The following RBM19 variants were observed in gnomAD, a reference collection of about 807,000 sequenced individuals.
RBM19 encodes the protein RNA binding motif protein 19.
Under a neutral mutation model 116.8 loss-of-function variants are expected in RBM19, and 94 were observed. That is an observed-to-expected ratio of 0.80 (90% CI 0.68 to 0.95). The LOEUF is 0.95. Among genes scored for constraint, RBM19 ranks in the 40% least tolerant of loss-of-function variants. The pLI is 0.00. For missense variants in RBM19, 1,161 were observed against 1,220.7 expected, an observed-to-expected ratio of 0.95 and a Z score of 0.73; for synonymous variants, 475 against 494.1, an observed-to-expected ratio of 0.96 and a Z score of 0.51.
At chr12:113,821,053 A>G (rs1228574676), downstream of RBM19, among the ~76,000 whole-genome samples, 1 of 152,194 alleles carries the variant, frequency 6.6e-6, no homozygotes, top group Admixed American at 6.5e-5. Flanking sequence ...TGCTACTTGC[A>G]TCACTCCATT....
chr12:113,912,795 G>T (rs916792706), intron 21 of RBM19, among the ~76,000 whole-genome samples: 1 of 152,058 alleles, frequency 6.6e-6, no homozygotes, highest in Non-Finnish European at 1.5e-5. Flanking sequence ...ACCTCCCCCT[G>T]GCTAATGACC....
At chr12:113,869,616 T>C (rs1017398059) in intron 21 of RBM19, among the ~76,000 whole-genome samples, 6 of 152,146 alleles carry the variant, frequency 3.9e-5, no homozygotes, top group Admixed American at 1.3e-4. Context: ...GTTACTAAAA[T>C]GTGGCCAGCC....
intron 21 of RBM19, among the ~76,000 whole-genome samples, chr12:113,884,096 G>T (rs1880344873): frequency 7.2e-6 from 1 of 139,086 alleles, no homozygotes; most frequent in African/African-American, 2.6e-5. Flanking sequence ...GCAACATAGG[G>T]ATACTCCATC....
rs1274534441 is a variant in RBM19, at chr12:113,914,994, T to G, written c.2533A>C (p.Ser845Arg). The change falls in exon 21 of 24, where the codon AGC becomes CGC. Residue 845 changes from serine (S) to arginine (R), a missense_variant. Transcript: ENST00000261741. ...CTGAAGAGCTCTCGGATCTCCCGGC[T>G]GTGGGCCTGGAAGGGGATGTTCCGC... ...LVRNIPFQAHSREIRELFSTF... is the reference protein window; with the variant it reads ...LVRNIPFQAHRREIRELFSTF... 7 of 1,614,156 alleles carry G rather than the reference T, an allele frequency of 4.3e-6. No individual in the cohort carries two copies. The highest frequency in any genetic ancestry group is 3.3e-5 in the South Asian group (3 of 91,076).
chr12:113,844,709 G>T lies in RBM19; in HGVS notation c.2744C>A (p.Thr915Asn), dbSNP rs752640899. Reference protein sequence around the residue: ...LVLEWADSEVTLQALRRKTAA... With the variant: ...LVLEWADSEVNLQALRRKTAA... The stretch of plus-strand genomic sequence containing the variant: ...CGTCTTCCGCCGCAGGGCCTGCAGG[G>T]TCACCTCGGAGTCGGCCCACTCCAG... The change falls in exon 23 of 24, where the codon ACC (threonine) becomes AAC (asparagine). Residue 915 changes from threonine to asparagine, a missense_variant. Physicochemically the swap from Thr to Asn is moderately conservative, Grantham distance 65. Transcript: ENST00000261741. The T allele has an allele frequency of 1.2e-6, 2 of 1,612,964 alleles. No homozygotes were observed. Among genetic ancestry groups the T allele is most frequent in the South Asian group, 1.1e-5 (1 of 90,936 alleles).
chr12:113,962,090 T>C lies in RBM19; in HGVS notation c.219+142A>G, dbSNP rs909293880. ...AGCTCTCAGGTGATTTGTATGCACATGAAAGTGTGTGAATCGGTGAGGAAG... is the reference window on the plus strand; with the variant it reads ...AGCTCTCAGGTGATTTGTATGCACACGAAAGTGTGTGAATCGGTGAGGAAG... On this transcript the variant is annotated intron_variant, in intron 2 of 23. Transcript: ENST00000261741. 1.5e-5 allele frequency: 15 copies of C among 1,016,304 alleles called. No homozygotes were observed. The East Asian group carries it at 1.5e-4, about 10-fold the overall frequency. 63.0% of individuals were successfully genotyped at this position (1,016,304 alleles called of 1,614,324 possible). A position where few individuals can be genotyped will look rare whatever the true frequency, so the allele number is the denominator to read the frequency against.
intron 21 of RBM19, 47 bp from the exon 22 acceptor site, chr12:113,858,943 A>G: frequency 6.4e-7 from 1 of 1,558,958 alleles, no homozygotes; most frequent in Non-Finnish European, 8.8e-7. Flanking sequence ...AGAGGCCCGC[A>G]AGGGAGGTCG....
At chr12:113,918,153 G>GC in intron 20 of RBM19, among the ~76,000 whole-genome samples, 1 of 148,234 alleles carries the variant, frequency 6.7e-6, no homozygotes, top group African/African-American at 2.5e-5. Context: ...AAAAAAAAAA[G>GC]CCCCTGTGCA....
At chr12:113,958,653 T>A (rs1418057542) in intron 5 of RBM19, among the ~76,000 whole-genome samples, 1 of 152,144 alleles carries the variant, frequency 6.6e-6, no homozygotes, top group Non-Finnish European at 1.5e-5. Context: ...TAAATGTACA[T>A]CTTCTCACCT....
intron 1 of RBM19, 55 bp from the exon 2 acceptor site, chr12:113,962,469 G>A (rs1872591639): frequency 6.5e-7 from 1 of 1,539,116 alleles, no homozygotes; most frequent in Non-Finnish European, 8.9e-7. Context: ...AGAGCAAGGG[G>A]ACAAAATGGG....
In RBM19 at chr12:113,946,386, C is replaced by T. The variant is rs1351942891; in HGVS notation, c.1497G>A (p.Lys499=). Reference sequence around the variant, plus strand: ...TGTTGGCTTTGTCCTGGGCCTCCTTCTTCTTCTTGTAGGACGACGATCCCA... The same window carrying T: ...TGTTGGCTTTGTCCTGGGCCTCCTTTTTCTTCTTGTAGGACGACGATCCCA... ...SALGSSSYKK[K]KEAQDKANSA... Residue 499 remains lysine (K), a synonymous_variant, in exon 12 of 24, where the codon AAG becomes AAA. Coordinates refer to ENST00000261741, the MANE Select transcript of RBM19 (RefSeq NM_016196.4). The T allele has an allele frequency of 6.2e-7, 1 of 1,613,900 alleles. No individual in the cohort carries two copies. The highest frequency in any genetic ancestry group is 1.3e-5 in the African/African-American group (1 of 74,902).
At position 113,867,866 on chromosome 12, in the gene RBM19, T is replaced by C. The variant is rs150236051; in HGVS notation, c.2559-8970A>G. ...ACTGCTTGAACCCGGAAGGTGGAGA[T>C]TACAGAGAGCCGAGATTGCACCACT... On this transcript the variant is annotated intron_variant, in intron 21 of 23. Transcript: ENST00000261741. Among the ~76,000 whole-genome samples the C allele has an allele frequency of 2.2e-3, 336 of 151,952 alleles. 1 individual carries two copies. The highest frequency in any genetic ancestry group is 7.2e-3 in the African/African-American group (298 of 41,422).
intron 20 of RBM19, among the ~76,000 whole-genome samples, chr12:113,915,436 T>C (rs916359038): frequency 6.6e-6 from 1 of 152,158 alleles, no homozygotes; most frequent in Non-Finnish European, 1.5e-5. Flanking sequence ...AAGACCCCAG[T>C]TGGTTTCCAA....
chr12:113,940,684 T>C (rs1055884212), intron 14 of RBM19, among the ~76,000 whole-genome samples: 1 of 152,200 alleles, frequency 6.6e-6, no homozygotes, highest in African/African-American at 2.4e-5. Context: ...GGCAGCGTAC[T>C]GCAGCAGCAC....
At chr12:113,952,430 A>G (rs1353717874) in intron 8 of RBM19, 82 bp downstream of exon 8, 1 of 1,327,204 alleles carries the variant, frequency 7.5e-7, no homozygotes, top group African/African-American at 1.5e-5. Context: ...GTGCCCTTAA[A>G]ACTTCTTCCT....
chr12:113,918,575 G>A, intron 19 of RBM19, 128 bp from the exon 20 acceptor site: 2 of 926,356 alleles, frequency 2.2e-6, no homozygotes, highest in Non-Finnish European at 3.3e-6. Flanking sequence ...AGTGGGGCTA[G>A]CTGGTCTAGA....
At chr12:113,947,551 C>A (rs1234575112) in intron 10 of RBM19, 87 bp from the exon 11 acceptor site, 1 of 1,402,780 alleles carries the variant, frequency 7.1e-7, no homozygotes, top group Non-Finnish European at 9.7e-7. Context: ...TGTGAGCCAA[C>A]CTCACAGGTC....
chr12:113,860,916 A>T (rs1417965316), intron 21 of RBM19, among the ~76,000 whole-genome samples: 3 of 152,190 alleles, frequency 2.0e-5, no homozygotes, highest in Non-Finnish European at 4.4e-5. Flanking sequence ...TAAACAAGCA[A>T]ATGGTAGCCC....
At chr12:113,949,955 G>T in intron 9 of RBM19, 128 bp downstream of exon 9, 1 of 860,244 alleles carries the variant, frequency 1.2e-6, no homozygotes, top group Non-Finnish European at 1.8e-6. Context: ...CCAGTGCCTA[G>T]AACAGTGTCT....
Sources: allele counts gnomAD v4.1 joint callset (sites outside exome capture counted in the v4.1 genomes callset), GRCh38; gene constraint gnomAD v4.1.1; transcripts MANE v1.5; gene names NCBI Gene and HGNC (gene_info 2026-07-23, HGNC 2026-07-21).